The following RAB3B variants were observed in gnomAD, a reference collection of about 807,000 sequenced individuals.
RAB3B encodes the protein ras-related protein Rab-3B.
A neutral mutation model predicts 20.5 loss-of-function variants in RAB3B; 11 were observed. The ratio of observed to expected loss-of-function variants is 0.54; its 90% CI spans 0.34 to 0.89. The LOEUF (loss-of-function observed/expected upper bound fraction) is 0.89, where lower values mean the gene tolerates loss of function less well. RAB3B is among the 40% of genes least tolerant of loss of function. The pLI is 0.02. For synonymous variants in RAB3B, 99 were observed against 106.3 expected (o/e 0.93, Z 0.42); for missense variants, 225 against 280.9 (o/e 0.80, Z 1.42).
intron 2 of RAB3B, among the ~76,000 whole-genome samples, chr1:51,962,064 A>T (rs1385344707): frequency 1.3e-5 from 2 of 152,164 alleles, no homozygotes; most frequent in African/African-American, 4.8e-5. Flanking sequence ...GAACCACTGC[A>T]CCCAGACTGA....
At chr1:51,980,414 C>T (rs1347876710) in intron 1 of RAB3B, 2 of 455,478 alleles carry the variant, frequency 4.4e-6, no homozygotes, top group Non-Finnish European at 8.0e-6. Context: ...GGCAACAGAG[C>T]AAGACTGTCT....
At chr1:51,983,003 C>T (rs561633775) in intron 1 of RAB3B, among the ~76,000 whole-genome samples, 95 of 152,250 alleles carry the variant, frequency 6.2e-4, no homozygotes, top group African/African-American at 2.3e-3. Context: ...ACTGCCGGCC[C>T]TGCAAGCTCC....
At position 51,910,510 on chromosome 1, in the gene RAB3B, TTGCTAAGA is replaced by T. The variant is rs1683983473; in HGVS notation, c.*9409_*9416del. On this transcript the variant is annotated 3_prime_UTR_variant, in exon 5 of 5. Coordinates refer to ENST00000371655, the MANE Select transcript of RAB3B (RefSeq NM_002867.4). ...CAGGCATGGACCATCCAAACACAAA[TTGCTAAGA>T]TGCTTTCTGGCAGCCTCAGAAACCA... The T allele has an allele frequency of 6.6e-6, 1 of 152,110 alleles. No homozygotes were observed. The highest frequency in any genetic ancestry group is 1.5e-5 in the Non-Finnish European group (1 of 68,030). The allele number at this position is 152,110 out of a possible 1,614,324, so 9.4% of individuals were successfully genotyped here.
rs1391536654 is a variant in RAB3B, at chr1:51,914,820, A to G, written c.*5107T>C. 6.6e-6 allele frequency: 1 copy of G among 152,166 alleles called. No homozygotes were observed. Among genetic ancestry groups the G allele is most frequent in the African/African-American group, 2.4e-5 (1 of 41,432 alleles). 9.4% of individuals were successfully genotyped at this position (152,166 alleles called of 1,614,324 possible). ...CCTTCCCCTAAACTGTTGGCAAACA[A>G]AGTCAAACAAACATTCCTCAGGATA... On this transcript the variant is annotated 3_prime_UTR_variant, in exon 5 of 5. Coordinates refer to ENST00000371655, the MANE Select transcript of RAB3B (RefSeq NM_002867.4).
At chr1:51,946,908 G>A (rs899679866) in intron 2 of RAB3B, among the ~76,000 whole-genome samples, 2 of 152,142 alleles carry the variant, frequency 1.3e-5, no homozygotes, top group African/African-American at 4.8e-5. Context: ...GTTCATTTCA[G>A]ACTGAGATTC....
intron 2 of RAB3B, 41 bp downstream of exon 2, chr1:51,976,849 C>T (rs373689336): frequency 2.0e-4 from 309 of 1,574,338 alleles, no homozygotes; most frequent in Non-Finnish European, 2.5e-4. Context: ...GCAGGCCAGC[C>T]GCTTCTCAGG....
At chr1:51,929,936 T>C (rs1258379133) in intron 4 of RAB3B, among the ~76,000 whole-genome samples, 1 of 152,196 alleles carries the variant, frequency 6.6e-6, no homozygotes, top group Non-Finnish European at 1.5e-5. Context: ...TAAAATGTAT[T>C]AATGAATATC....
chr1:51,923,567 T>G (rs1684202170), intron 4 of RAB3B, among the ~76,000 whole-genome samples: 3 of 151,904 alleles, frequency 2.0e-5, no homozygotes, highest in African/African-American at 7.3e-5. Context: ...AATACAAAAA[T>G]TAACCGGGTG....
chr1:51,969,965 G>A (rs1557975065), intron 2 of RAB3B, among the ~76,000 whole-genome samples: 1 of 151,926 alleles, frequency 6.6e-6, no homozygotes, highest in Non-Finnish European at 1.5e-5. Flanking sequence ...AGCTACTAGG[G>A]AGGCTGAGGT....
At position 51,942,545 on chromosome 1, in the gene RAB3B, TACTC is replaced by T. The variant is rs749052539; in HGVS notation, c.229-5137_229-5134del. 1.1e-4 allele frequency among the ~76,000 whole-genome samples: 16 copies of T among 152,342 alleles called. No homozygotes were observed. In the Middle Eastern group the frequency reaches 0.01, roughly 97 times the overall value. ...GGGTGTGAATCCCTATTCTACCACT[TACTC>T]ACTATGTGACTATAGTACACAGCCT... On this transcript the variant is annotated intron_variant, in intron 2 of 4. Coordinates refer to ENST00000371655, the MANE Select transcript of RAB3B (RefSeq NM_002867.4).
chr1:51,936,433 T>C (rs1684404730), intron 3 of RAB3B, among the ~76,000 whole-genome samples: 2 of 152,204 alleles, frequency 1.3e-5, no homozygotes, highest in Admixed American at 6.5e-5. Flanking sequence ...AAGTGCTATG[T>C]GGATTCACTC....
intron 4 of RAB3B, among the ~76,000 whole-genome samples, chr1:51,924,248 G>T (rs1028027963): frequency 6.6e-6 from 1 of 152,170 alleles, no homozygotes; most frequent in Admixed American, 6.5e-5. Flanking sequence ...CCTTTGAGGA[G>T]CCCCTAGTGT....
chr1:51,962,231 GT>G (rs962465538), intron 2 of RAB3B, among the ~76,000 whole-genome samples: 6 of 152,230 alleles, frequency 3.9e-5, no homozygotes, highest in African/African-American at 1.2e-4. Flanking sequence ...GATGAAATCA[GT>G]TCATAAAAGC....
At chr1:51,931,018 A>T (rs1463765408) in intron 4 of RAB3B, among the ~76,000 whole-genome samples, 1 of 148,632 alleles carries the variant, frequency 6.7e-6, no homozygotes, top group Non-Finnish European at 1.5e-5. Flanking sequence ...ACTCCATCTC[A>T]AAAAAAAAAA....
In RAB3B at chr1:51,919,073, TC is replaced by T. The variant is rs1457937044; in HGVS notation, c.*853del. ...ATCTCGGCTCACTGCAAGCTCCGCT[TC>T]CCGGGTTCACGCCATTCTCCTGCCT... On this transcript the variant is annotated 3_prime_UTR_variant, in exon 5 of 5. Coordinates refer to ENST00000371655, the MANE Select transcript of RAB3B (RefSeq NM_002867.4). The T allele has an allele frequency of 6.6e-6, 1 of 150,698 alleles. No homozygotes were observed. Among genetic ancestry groups the T allele is most frequent in the Non-Finnish European group, 1.5e-5 (1 of 67,836 alleles). The allele number at this position is 150,698 out of a possible 1,614,324, so 9.3% of individuals were successfully genotyped here. A position where few individuals can be genotyped will look rare whatever the true frequency, so the allele number is the denominator to read the frequency against.
At chr1:51,920,611 G>A (rs1371836321) in intron 4 of RAB3B, among the ~76,000 whole-genome samples, 7 of 152,150 alleles carry the variant, frequency 4.6e-5, no homozygotes, top group East Asian at 1.9e-4. Flanking sequence ...CCTGAGGAAG[G>A]AGTCTCAGTC....
intron 2 of RAB3B, among the ~76,000 whole-genome samples, chr1:51,947,356 C>G (rs1211247511): frequency 6.6e-6 from 1 of 151,254 alleles, no homozygotes; most frequent in Non-Finnish European, 1.5e-5. Flanking sequence ...AGATTGCACA[C>G]TGCACATCAG....
chr1:51,985,547 T>C (rs1438796182), intron 1 of RAB3B, among the ~76,000 whole-genome samples: 7 of 152,216 alleles, frequency 4.6e-5, no homozygotes, highest in African/African-American at 1.7e-4. Flanking sequence ...GCCTGGCTAC[T>C]GGGCCCAGCT....
chr1:51,929,452 C>T (rs558282924), intron 4 of RAB3B, among the ~76,000 whole-genome samples: 2 of 152,114 alleles, frequency 1.3e-5, no homozygotes, highest in Admixed American at 6.6e-5. Flanking sequence ...TTCAGCCTCC[C>T]GAGTAGCTGG....
Sources: allele counts gnomAD v4.1 joint callset (sites outside exome capture counted in the v4.1 genomes callset), GRCh38; gene constraint gnomAD v4.1.1; transcripts MANE v1.5; gene names NCBI Gene and HGNC (gene_info 2026-07-23, HGNC 2026-07-21).